Variants in TTC39C observed in about 807,000 individuals in gnomAD.
TTC39C encodes tetratricopeptide repeat domain 39C.
Under a neutral mutation model 76.3 loss-of-function variants are expected in TTC39C, and 33 were observed. The observed-to-expected ratio is 0.43, with a 90% CI of 0.33 to 0.58. The LOEUF is 0.58. Ranked by LOEUF, TTC39C falls within the 20% of genes least tolerant of loss-of-function variation. The pLI is 0.04. For missense variants in TTC39C, 595 were observed against 701.4 expected, an observed-to-expected ratio of 0.85 and a Z score of 1.71; for synonymous variants, 254 against 260.6, an observed-to-expected ratio of 0.97 and a Z score of 0.24.
At chr18:24,056,854 A>AT (rs879915848) in intron 1 of TTC39C, among the ~76,000 whole-genome samples, 121 of 147,314 alleles carry the variant, frequency 8.2e-4, no homozygotes, top group Admixed American at 3.4e-3. Flanking sequence ...TTGTTCTGTA[A>AT]TTTTTTTTTT....
intron 1 of TTC39C, among the ~76,000 whole-genome samples, chr18:24,061,495 T>C (rs903724641): frequency 1.3e-5 from 2 of 150,990 alleles, no homozygotes; most frequent in African/African-American, 4.9e-5. Flanking sequence ...CATTTCCAGA[T>C]CTCTGGAATG....
chr18:24,055,824 A>AT (rs2084008488), intron 1 of TTC39C, among the ~76,000 whole-genome samples: 2 of 152,290 alleles, frequency 1.3e-5, no homozygotes, highest in African/African-American at 4.8e-5. Context: ...ACTGTCATAA[A>AT]GCTTTTTTCC....
At chr18:24,044,053 TGTG>T (rs2083832375) in intron 1 of TTC39C, among the ~76,000 whole-genome samples, 1 of 590 alleles carries the variant, frequency 1.7e-3, no homozygotes, top group African/African-American at 2.7e-3. Flanking sequence ...TGTGTATGTT[TGTG>T]TGTGTGTGTG....
chr18:24,107,889 G>GGGC (rs1555776834), intron 6 of TTC39C, among the ~76,000 whole-genome samples: 5 of 16,700 alleles, frequency 3.0e-4, no homozygotes, highest in Non-Finnish European at 1.0e-3. Context: ...CTCCCAAGTA[G>GGGC]GGGGGGGGGT....
chr18:24,110,645 A>G (rs564112242), intron 6 of TTC39C, among the ~76,000 whole-genome samples: 2 of 152,374 alleles, frequency 1.3e-5, no homozygotes, highest in Admixed American at 1.3e-4. Context: ...GAACTAAAAA[A>G]TACCTAGGAA....
rs200312953 is a variant in TTC39C at position 24,025,543 on chromosome 18, CT to C, written c.167+10506del. 4.3e-3 allele frequency among the ~76,000 whole-genome samples: 661 copies of C among 152,300 alleles called. 7 individuals carry two copies. Among genetic ancestry groups the C allele is most frequent in the African/African-American group, 0.015 (624 of 41,560 alleles). On this transcript the variant is annotated intron_variant, in intron 1 of 13. Coordinates refer to ENST00000317571, the MANE Select transcript of TTC39C (RefSeq NM_001135993.2). Reference sequence around the variant, plus strand: ...ACATAAATGGAGGTAGATTCTAGAACTAAATAAACAGTTTTTCATCTGTGTG... The same window carrying C: ...ACATAAATGGAGGTAGATTCTAGAACAAATAAACAGTTTTTCATCTGTGTG...
At chr18:24,104,683 GGTGTTTGTGTGTGTGTGTGTGT>G (rs1211587902) in intron 6 of TTC39C, among the ~76,000 whole-genome samples, 1 of 84,754 alleles carries the variant, frequency 1.2e-5, no homozygotes, top group African/African-American at 5.0e-5. Flanking sequence ...TAGGGAGCAG[GGTGTTTGTGTGTGTGTGTGTGT>G]GTGTGTGTGT....
chr18:24,125,996 G>T (rs2085046195), intron 10 of TTC39C, among the ~76,000 whole-genome samples: 1 of 152,120 alleles, frequency 6.6e-6, no homozygotes, highest in Admixed American at 6.5e-5. Flanking sequence ...AGACCAACCT[G>T]GGCAACATGG....
At chr18:24,074,039 T>C (rs572943717) in intron 4 of TTC39C, among the ~76,000 whole-genome samples, 42 of 152,340 alleles carry the variant, frequency 2.8e-4, no homozygotes, top group Non-Finnish European at 5.1e-4. Flanking sequence ...TAGGTGCTGG[T>C]AGTCTTGAGA....
intron 1 of TTC39C, among the ~76,000 whole-genome samples, chr18:24,059,228 T>C (rs1464542995): frequency 6.6e-6 from 1 of 152,262 alleles, no homozygotes; most frequent in East Asian, 1.9e-4. Context: ...TAAAAAACTT[T>C]TAAGTTCAGA....
chr18:24,063,261 A>G (rs549154713), intron 1 of TTC39C, among the ~76,000 whole-genome samples: 3 of 152,246 alleles, frequency 2.0e-5, no homozygotes, highest in South Asian at 2.1e-4. Context: ...AGATGATTAC[A>G]AGGGGGGAAT....
Position 24,118,116 on chromosome 18 carries a change from C to A in TTC39C, c.1079-9C>A, listed in dbSNP as rs1188337198. The A allele has an allele frequency of 1.2e-6, 2 of 1,610,576 alleles. No homozygotes were observed. Among genetic ancestry groups the A allele is most frequent in the Admixed American group, 3.4e-5 (2 of 59,526 alleles). On this transcript the variant is annotated splice_polypyrimidine_tract_variant and intron_variant, in intron 7 of 13. Transcript: ENST00000317571. ...TTAGGGTCATGTGCTAAAAATATTT[C>A]TTTCATAGGTTGGTGCAGCATGATA...
intron 6 of TTC39C, among the ~76,000 whole-genome samples, chr18:24,096,007 A>C (rs1352794149): frequency 6.6e-6 from 1 of 152,222 alleles, no homozygotes; most frequent in Non-Finnish European, 1.5e-5. Context: ...AACATTTATC[A>C]ACTAAGTTTG....
chr18:24,124,785 G>T lies in TTC39C; in HGVS notation c.1297-642G>T, dbSNP rs2085025876. The stretch of plus-strand genomic sequence containing the variant: ...TCTAGTCTTAGTTCCTTAGGTGTGT[G>T]TAAGCCCGTTGAATTATTAGCTGTC... On this transcript the variant is annotated intron_variant, in intron 9 of 13. Coordinates refer to ENST00000317571, the MANE Select transcript of TTC39C (RefSeq NM_001135993.2). Among the ~76,000 whole-genome samples, 3 of 152,320 alleles carry T rather than the reference G, an allele frequency of 2.0e-5. 1 individual carries two copies. Among genetic ancestry groups the T allele is most frequent in the South Asian group, 4.1e-4 (2 of 4,830 alleles).
intron 1 of TTC39C, among the ~76,000 whole-genome samples, chr18:24,004,281 C>G (rs17094): frequency 0.064 from 9,817 of 152,258 alleles, 618 homozygotes; most frequent in Admixed American, 0.16. Flanking sequence ...AGTTCCCTAT[C>G]TGTGGGTATA....
chr18:24,050,894 A>T (rs1236194288), intron 1 of TTC39C, among the ~76,000 whole-genome samples: 1 of 148,700 alleles, frequency 6.7e-6, no homozygotes, highest in Non-Finnish European at 1.5e-5. Context: ...AAAAAAATGC[A>T]ATTCTGTTTT....
intron 6 of TTC39C, among the ~76,000 whole-genome samples, chr18:24,104,092 C>T (rs1483764237): frequency 1.3e-5 from 2 of 152,046 alleles, no homozygotes; most frequent in Non-Finnish European, 2.9e-5. Context: ...CCACCACGCC[C>T]GGCTAATTTT....
intron 6 of TTC39C, among the ~76,000 whole-genome samples, chr18:24,104,672 T>C (rs2084722199): frequency 6.9e-6 from 1 of 143,906 alleles, no homozygotes; most frequent in Non-Finnish European, 1.5e-5. Context: ...TGCCCAGCGC[T>C]TAGGGAGCAG....
chr18:24,115,012 T>C (rs966252544), intron 7 of TTC39C: 2 of 193,964 alleles, frequency 1.0e-5, no homozygotes, highest in African/African-American at 4.8e-5. Flanking sequence ...GAAGTCCCAG[T>C]GTTTTTCACC....
Sources: gnomAD v4.1 joint callset for allele counts (sites outside exome capture counted in the v4.1 genomes callset) on GRCh38, gnomAD v4.1.1 for gene constraint, MANE v1.5 for transcripts, NCBI Gene and HGNC (gene_info 2026-07-23, HGNC 2026-07-21) for gene names.